NRXN1: variants seen among roughly 807,000 people sequenced by gnomAD.
The protein encoded by NRXN1 is neurexin 1, also known as neurexin-1.
NRXN1 carries 39 observed loss-of-function variants against 150.9 expected under a neutral mutation model. The ratio of observed to expected loss-of-function variants is 0.26; its 90% CI spans 0.20 to 0.34. The LOEUF (loss-of-function observed/expected upper bound fraction) is 0.34, where lower values mean the gene tolerates loss of function less well. NRXN1 is among the 10% of genes least tolerant of loss of function. The pLI is 1.00. For synonymous variants in NRXN1, 924 were observed against 757.0 expected (o/e 1.22, Z -3.62); for missense variants, 1,815 against 1,949.9 (o/e 0.93, Z 1.30).
At chr2:50,771,257 C>T (rs563410879) in intron 5 of NRXN1, among the ~76,000 whole-genome samples, 145 of 152,118 alleles carry the variant, frequency 9.5e-4, no homozygotes, top group African/African-American at 3.3e-3. Flanking sequence ...GCCAGTCACT[C>T]TATATATTAC....
In NRXN1 at chr2:50,251,628, ACTAATT is replaced by A. The variant is rs775142470; in HGVS notation, c.3365-14664_3365-14659del. Among the ~76,000 whole-genome samples the A allele has an allele frequency of 6.0e-4, 92 of 152,250 alleles. 1 individual carries two copies. Among genetic ancestry groups the A allele is most frequent in the Non-Finnish European group, 1.1e-3 (75 of 68,022 alleles). On this transcript the variant is annotated intron_variant, in intron 17 of 22. Transcript: ENST00000401669. ...GCACACTGTCTTCCACACTGGTTGA[ACTAATT>A]TACATTCCCACCAACAGTGTAAAAG...
intron 8 of NRXN1, among the ~76,000 whole-genome samples, chr2:50,571,905 T>A (rs1280736177): frequency 1.3e-5 from 2 of 151,902 alleles, no homozygotes; most frequent in African/African-American, 2.4e-5. Context: ...AAAACCAGAG[T>A]CAGAAAATAC....
intron 5 of NRXN1, among the ~76,000 whole-genome samples, chr2:50,864,650 T>C (rs1331464094): frequency 6.6e-6 from 1 of 152,038 alleles, no homozygotes; most frequent in Non-Finnish European, 1.5e-5. Context: ...TCATTTCTCC[T>C]GCGAAGCTGA....
Position 49,922,027 on chromosome 2 carries a change from C to A in NRXN1, c.4441G>T (p.Ala1481Ser). ...YISNSAQSNG[A>S]VVKEKQPSSA... ...CTGGGTTGTTTCTCCTTTACAACAG[C>A]CCCATTGGACTGTGCTGAGTTACTG... Residue 1481 changes from alanine to serine, a missense_variant, in exon 23 of 23, where the codon GCT becomes TCT. Transcript: ENST00000401669. The A allele has an allele frequency of 6.2e-7, 1 of 1,614,090 alleles. No individual in the cohort carries two copies. Among genetic ancestry groups the A allele is most frequent in the Non-Finnish European group, 8.5e-7 (1 of 1,180,004 alleles).
intron 2 of NRXN1, among the ~76,000 whole-genome samples, chr2:51,008,456 C>G (rs545461368): frequency 1.5e-4 from 23 of 151,760 alleles, no homozygotes; most frequent in South Asian, 6.2e-4. Context: ...TTCCTAAATA[C>G]AAAATGAAAA....
At chr2:50,306,603 T>C (rs1276164907) in intron 17 of NRXN1, among the ~76,000 whole-genome samples, 1 of 152,234 alleles carries the variant, frequency 6.6e-6, no homozygotes, top group Non-Finnish European at 1.5e-5. Context: ...CAGTAAGTAC[T>C]TTCCCCTTTC....
intron 17 of NRXN1, among the ~76,000 whole-genome samples, chr2:50,321,285 T>C (rs1037114906): frequency 1.3e-5 from 2 of 152,182 alleles, no homozygotes; most frequent in Non-Finnish European, 2.9e-5. Context: ...ACACTGTCAC[T>C]GGTCCAACAC....
chr2:50,498,527 C>T (rs981842180), intron 13 of NRXN1, among the ~76,000 whole-genome samples: 2 of 152,150 alleles, frequency 1.3e-5, no homozygotes, highest in Non-Finnish European at 2.9e-5. Context: ...TAGGGTGAAG[C>T]TTGGATGCAA....
chr2:50,714,798 C>A (rs1256457251), intron 5 of NRXN1, among the ~76,000 whole-genome samples: 2 of 152,160 alleles, frequency 1.3e-5, no homozygotes, highest in African/African-American at 4.8e-5. Flanking sequence ...GGATCCCTAG[C>A]TCCATCACCA....
chr2:50,561,426 C>T (rs1669060777), intron 8 of NRXN1, among the ~76,000 whole-genome samples: 1 of 152,124 alleles, frequency 6.6e-6, no homozygotes, highest in Non-Finnish European at 1.5e-5. Flanking sequence ...AAACTGCAAA[C>T]TTGATCAATT....
At chr2:50,083,445 G>C (rs1282010831) in intron 19 of NRXN1, among the ~76,000 whole-genome samples, 2 of 152,184 alleles carry the variant, frequency 1.3e-5, no homozygotes, top group Admixed American at 1.3e-4. Flanking sequence ...GAATTGGTGG[G>C]TTCTTGGTCT....
At chr2:50,237,015 C>G (rs765235651) in intron 17 of NRXN1, 45 bp from the exon 18 acceptor site, 1 of 1,582,526 alleles carries the variant, frequency 6.3e-7, no homozygotes, top group Non-Finnish European at 8.7e-7. Flanking sequence ...TACATCAAGT[C>G]TGCACATTAG....
At chr2:50,515,702 G>A (rs544672756) in intron 12 of NRXN1, among the ~76,000 whole-genome samples, 10 of 151,000 alleles carry the variant, frequency 6.6e-5, no homozygotes, top group African/African-American at 2.4e-4. Flanking sequence ...AACTTTTCCA[G>A]GTACTAACAA....
At chr2:50,691,091 T>C (rs1018813717) in intron 5 of NRXN1, among the ~76,000 whole-genome samples, 1 of 152,210 alleles carries the variant, frequency 6.6e-6, no homozygotes, top group Non-Finnish European at 1.5e-5. Flanking sequence ...AGGCATGACG[T>C]GAATCTCAAA....
chr2:50,603,174 G>C (rs1676551508), intron 8 of NRXN1, among the ~76,000 whole-genome samples: 1 of 152,308 alleles, frequency 6.6e-6, no homozygotes, highest in Non-Finnish European at 1.5e-5. Flanking sequence ...GCATGGAGCA[G>C]TGGAAGCATA....
intron 21 of NRXN1, among the ~76,000 whole-genome samples, chr2:50,003,886 G>C (rs999025707): frequency 2.6e-5 from 4 of 152,082 alleles, no homozygotes; most frequent in African/African-American, 4.8e-5. Context: ...ATCAAAGATG[G>C]AACATTTTCC....
intron 18 of NRXN1, among the ~76,000 whole-genome samples, chr2:50,235,881 A>G (rs985806239): frequency 6.6e-6 from 1 of 152,078 alleles, no homozygotes; most frequent in Non-Finnish European, 1.5e-5. Flanking sequence ...GAACTATGAT[A>G]ATAAGAACCC....
chr2:50,230,043 G>A (rs977754916), intron 18 of NRXN1, among the ~76,000 whole-genome samples: 2 of 152,052 alleles, frequency 1.3e-5, no homozygotes, highest in African/African-American at 4.8e-5. Flanking sequence ...GGATGGAGCA[G>A]AATCAATGGA....
At chr2:50,505,739 G>A (rs936822762) in intron 13 of NRXN1, among the ~76,000 whole-genome samples, 3 of 152,028 alleles carry the variant, frequency 2.0e-5, no homozygotes, top group African/African-American at 4.8e-5. Flanking sequence ...GACCTCCTTC[G>A]AATTGAATGA....
Sources: gnomAD v4.1 joint callset for allele counts (sites outside exome capture counted in the v4.1 genomes callset) on GRCh38, gnomAD v4.1.1 for gene constraint, MANE v1.5 for transcripts, NCBI Gene and HGNC (gene_info 2026-07-23, HGNC 2026-07-21) for gene names.